HIBCH: variants seen among roughly 807,000 people sequenced by gnomAD.
HIBCH encodes 3-hydroxyisobutyryl-CoA hydrolase, mitochondrial.
A neutral mutation model predicts 58.2 loss-of-function variants in HIBCH; 50 were observed. The observed-to-expected ratio is 0.86, with a 90% CI of 0.68 to 1.09. HIBCH has a LOEUF of 1.09. Among genes scored for constraint, HIBCH ranks in the 50% least tolerant of loss-of-function variants. The pLI is 0.00. For missense variants in HIBCH, 450 were observed against 449.7 expected, an observed-to-expected ratio of 1.00 and a Z score of -0.01; for synonymous variants, 151 against 146.9, an observed-to-expected ratio of 1.03 and a Z score of -0.20.
intron 7 of HIBCH, among the ~76,000 whole-genome samples, chr2:190,253,547 C>G (rs765414069): frequency 5.3e-5 from 8 of 152,118 alleles, no homozygotes; most frequent in Non-Finnish European, 8.8e-5. Flanking sequence ...ACGTATACAG[C>G]CTTGACACCT....
At chr2:190,223,951 C>T (rs949834865) in intron 11 of HIBCH, among the ~76,000 whole-genome samples, 27 of 152,174 alleles carry the variant, frequency 1.8e-4, no homozygotes, top group Admixed American at 6.5e-4. Flanking sequence ...CAAAGCAGGG[C>T]GGGGGATCGC....
intron 11 of HIBCH, among the ~76,000 whole-genome samples, chr2:190,224,196 G>C (rs921141015): frequency 6.6e-6 from 1 of 152,222 alleles, no homozygotes; most frequent in Non-Finnish European, 1.5e-5. Context: ...AGGAGGCAGC[G>C]AGGCTGGGGA....
intron 11 of HIBCH, among the ~76,000 whole-genome samples, chr2:190,229,707 CA>C (rs1553497487): frequency 6.6e-6 from 1 of 152,184 alleles, no homozygotes; most frequent in Non-Finnish European, 1.5e-5. Flanking sequence ...AGAAATAAAT[CA>C]GTGCAAAACA....
intron 11 of HIBCH, among the ~76,000 whole-genome samples, chr2:190,229,597 C>T (rs1324065737): frequency 1.3e-5 from 2 of 152,130 alleles, no homozygotes; most frequent in Non-Finnish European, 2.9e-5. Flanking sequence ...ATGTTCTTTC[C>T]ACATTACAGA....
At position 190,244,755 on chromosome 2, in the gene HIBCH, A is replaced by C. The variant is rs963122817; in HGVS notation, c.891+132T>G. On this transcript the variant is annotated intron_variant, in intron 11 of 13. Transcript: ENST00000359678. ...GGAACTGATTTCTGAAGCTCACCTAAATTTGGGAAAAAAGAAAACACAATG... is the reference window on the plus strand; with the variant it reads ...GGAACTGATTTCTGAAGCTCACCTACATTTGGGAAAAAAGAAAACACAATG... 4 of 766,402 alleles carry C rather than the reference A, an allele frequency of 5.2e-6. No homozygotes were observed. In the African/African-American group the frequency reaches 6.8e-5, roughly 13 times the overall value. 47.5% of individuals were successfully genotyped at this position (766,402 alleles called of 1,614,324 possible).
At position 190,213,062 on chromosome 2, in the gene HIBCH, A is replaced by G. The variant is rs775263202; in HGVS notation, c.905T>C (p.Met302Thr). The change falls in exon 12 of 14, where the codon ATG (methionine) becomes ACG (threonine). Residue 302 changes from methionine (M) to threonine (T), a missense_variant. Physicochemically the swap from Met to Thr is moderately conservative, Grantham distance 81 (BLOSUM62 -1). Coordinates refer to ENST00000359678, the MANE Select transcript of HIBCH (RefSeq NM_014362.4). ...TGTGATCTTTAGAGATGTTGGAGAC[A>G]TTTTATTAATTACCTTTTGGAGGAA... ...ALEQLKVINK[M>T]SPTSLKITLR... 1.9e-6 allele frequency: 3 copies of G among 1,607,554 alleles called. No homozygotes were observed. Among genetic ancestry groups the G allele is most frequent in the Admixed American group, 1.7e-5 (1 of 60,010 alleles).
chr2:190,275,893 G>A (rs1687535014), intron 6 of HIBCH, among the ~76,000 whole-genome samples: 2 of 152,172 alleles, frequency 1.3e-5, no homozygotes, highest in Non-Finnish European at 2.9e-5. Flanking sequence ...AATTAAAGCT[G>A]AGCAAACTTT....
In HIBCH at chr2:190,208,874, A is replaced by G. The variant is rs747120093; in HGVS notation, c.1045+6T>C. The G allele has an allele frequency of 6.2e-7, 1 of 1,612,974 alleles. No homozygotes were observed. The highest frequency in any genetic ancestry group is 1.1e-5 in the South Asian group (1 of 91,018). On this transcript the variant is annotated splice_donor_region_variant and intron_variant, in intron 13 of 13. Transcript: ENST00000359678. ...CCAAAATGGTAAGTTCCCATTTGCC[A>G]CTTACCAGCTCTAACGCCTTCATGA...
intron 11 of HIBCH, among the ~76,000 whole-genome samples, chr2:190,227,821 C>A (rs529446520): frequency 6.6e-6 from 1 of 152,112 alleles, no homozygotes; most frequent in East Asian, 1.9e-4. Context: ...CATCATTGGC[C>A]ATCAGAGAAA....
In HIBCH at chr2:190,226,079, G is replaced by C. The variant is rs1446925752; in HGVS notation, c.892-13004C>G. On this transcript the variant is annotated intron_variant, in intron 11 of 13. Transcript: ENST00000359678. ...ATAGCCCTCCATGCTAAAAACTCTC[G>C]ATAAACTAGGTATTGATGCGACGTA... Among the ~76,000 whole-genome samples the C allele has an allele frequency of 5.3e-5, 8 of 152,162 alleles. No individual in the cohort carries two copies. In the East Asian group the frequency reaches 1.5e-3, roughly 29 times the overall value.
intron 7 of HIBCH, among the ~76,000 whole-genome samples, chr2:190,255,535 C>T (rs1686894799): frequency 6.6e-6 from 1 of 152,178 alleles, no homozygotes; most frequent in Non-Finnish European, 1.5e-5. Context: ...ACTATAAAAA[C>T]AGACACAATA....
intron 1 of HIBCH, among the ~76,000 whole-genome samples, chr2:190,193,029 C>T (rs938093139): frequency 1.6e-4 from 25 of 151,986 alleles, no homozygotes; most frequent in Admixed American, 1.6e-3. Context: ...GTGGGACTTC[C>T]GGTAAAATAT....
At chr2:190,296,178 T>G (rs959818553) in intron 3 of HIBCH, among the ~76,000 whole-genome samples, 1 of 152,050 alleles carries the variant, frequency 6.6e-6, no homozygotes, top group Non-Finnish European at 1.5e-5. Flanking sequence ...CCCAGCACTT[T>G]GGGAGGCCGA....
intron 11 of HIBCH, among the ~76,000 whole-genome samples, chr2:190,240,597 C>T (rs1390855389): frequency 6.6e-6 from 1 of 152,168 alleles, no homozygotes; most frequent in Non-Finnish European, 1.5e-5. Context: ...AATTTTAGAT[C>T]TTTTCCACTT....
intron 4 of HIBCH, among the ~76,000 whole-genome samples, chr2:190,294,325 G>T (rs1307460551): frequency 2.0e-5 from 3 of 151,504 alleles, no homozygotes; most frequent in Non-Finnish European, 4.4e-5. Context: ...ATTTCAAATG[G>T]GTATTTGTGT....
chr2:190,227,033 C>T (rs1685925235), intron 11 of HIBCH, among the ~76,000 whole-genome samples: 1 of 152,128 alleles, frequency 6.6e-6, no homozygotes, highest in Non-Finnish European at 1.5e-5. Context: ...AATGCCATCC[C>T]CATCAAGCTA....
intron 4 of HIBCH, among the ~76,000 whole-genome samples, chr2:190,291,200 C>G (rs1687948336): frequency 6.6e-6 from 1 of 152,028 alleles, no homozygotes; most frequent in African/African-American, 2.4e-5. Context: ...CATTCATTTC[C>G]CCCATAAAAC....
At chr2:190,282,270 G>C (rs532935556) in intron 6 of HIBCH, among the ~76,000 whole-genome samples, 1 of 152,258 alleles carries the variant, frequency 6.6e-6, no homozygotes, top group African/African-American at 2.4e-5. Context: ...CACAGACTAG[G>C]TAACTTATAA....
chr2:190,264,426 A>G (rs532058099), intron 6 of HIBCH, among the ~76,000 whole-genome samples: 1 of 152,286 alleles, frequency 6.6e-6, no homozygotes, highest in South Asian at 2.1e-4. Context: ...GATAAAAACT[A>G]TCAGAAATTG....
Sources: gnomAD v4.1 joint callset for allele counts (sites outside exome capture counted in the v4.1 genomes callset) on GRCh38, gnomAD v4.1.1 for gene constraint, MANE v1.5 for transcripts, NCBI Gene and HGNC (gene_info 2026-07-23, HGNC 2026-07-21) for gene names.